The following RYR2 variants were observed in gnomAD, a reference collection of about 807,000 sequenced individuals.
RYR2 encodes cardiac muscle ryanodine receptor-calcium release channel.
In RYR2, 227 loss-of-function variants were observed where a neutral mutation model predicts 601.1. The ratio of observed to expected loss-of-function variants is 0.38; its 90% confidence interval spans 0.34 to 0.42. The LOEUF (loss-of-function observed/expected upper bound fraction) is 0.42. RYR2 is among the 10% of genes least tolerant of loss of function. The pLI is 1.00. For missense variants in RYR2, 4,646 were observed against 6,156.5 expected, an observed-to-expected ratio of 0.75 and a Z score of 8.21; for synonymous variants, 2,223 against 2,175.1, an observed-to-expected ratio of 1.02 and a Z score of -0.61.
intron 12 of RYR2, among the ~76,000 whole-genome samples, chr1:237,428,376 A>G (rs1025685442): frequency 2.8e-4 from 43 of 152,224 alleles, no homozygotes; most frequent in Non-Finnish European, 3.2e-4. Flanking sequence ...TAGACCAGAT[A>G]AAGAAAATGT....
At chr1:237,058,680 C>G (rs955750951) in intron 1 of RYR2, among the ~76,000 whole-genome samples, 1 of 151,692 alleles carries the variant, frequency 6.6e-6, no homozygotes, top group African/African-American at 2.4e-5. Flanking sequence ...ACTTTTGGAG[C>G]CAGGGCGGGC....
chr1:237,097,361 G>A (rs560969578), intron 1 of RYR2, among the ~76,000 whole-genome samples: 2 of 152,308 alleles, frequency 1.3e-5, no homozygotes, highest in Admixed American at 1.3e-4. Context: ...CTCCTGTTTG[G>A]TTGCTCATTC....
chr1:237,189,732 A>C lies in RYR2; in HGVS notation c.49-80765A>C, dbSNP rs537185476. Among the ~76,000 whole-genome samples, 96 of 152,226 alleles carry C rather than the reference A, an allele frequency of 6.3e-4. 1 individual carries two copies. Among genetic ancestry groups the C allele is most frequent in the Non-Finnish European group, 1.2e-3 (84 of 68,048 alleles). ...AGTGAGGTCTCTAATTGTGAAAAAT[A>C]AATGTGTGTTGTGTGTAAGCCGCCC... On this transcript the variant is annotated intron_variant, in intron 1 of 104. Coordinates refer to ENST00000366574, the MANE Select transcript of RYR2 (RefSeq NM_001035.3).
At position 237,792,388 on chromosome 1, in the gene RYR2, T is replaced by C. The variant is rs1185384761; in HGVS notation, c.13782+65T>C. The C allele has an allele frequency of 4.4e-3, 3,580 of 816,920 alleles. 36 individuals are homozygous for C. The highest frequency in any genetic ancestry group is 0.032 in the Admixed American group (1,230 of 38,002). 50.6% of individuals were successfully genotyped at this position (816,920 alleles called of 1,614,324 possible). On this transcript the variant is annotated intron_variant, in intron 94 of 104. Coordinates refer to ENST00000366574, the MANE Select transcript of RYR2 (RefSeq NM_001035.3). ...GTGTGTGTGTGTGTGTGTGCGTGTG[T>C]GTGTGTGTGCGTGTGTGTGTGTGTG...
intron 2 of RYR2, among the ~76,000 whole-genome samples, chr1:237,301,900 C>T (rs180834352): frequency 1.3e-5 from 2 of 152,098 alleles, no homozygotes; most frequent in Non-Finnish European, 2.9e-5. Context: ...AGTTAAAGTG[C>T]GTGTGATAAA....
intron 29 of RYR2, among the ~76,000 whole-genome samples, chr1:237,581,730 C>T (rs185943345): frequency 7.9e-5 from 12 of 152,280 alleles, no homozygotes; most frequent in African/African-American, 2.9e-4. Context: ...CTGGCTTTAC[C>T]ATAACAGCTG....
chr1:237,664,173 G>A (rs538947701), intron 56 of RYR2, among the ~76,000 whole-genome samples: 20 of 152,226 alleles, frequency 1.3e-4, no homozygotes, highest in East Asian at 3.9e-4. Flanking sequence ...CTTATAACCC[G>A]GAAGGGGAAT....
intron 2 of RYR2, among the ~76,000 whole-genome samples, chr1:237,320,917 CTG>C (rs758838364): frequency 1.3e-5 from 2 of 150,450 alleles, no homozygotes; most frequent in Admixed American, 6.6e-5. Context: ...TCCATTCTCT[CTG>C]TGTGTGTGTG....
chr1:237,136,622 T>C (rs995574688), intron 1 of RYR2, among the ~76,000 whole-genome samples: 2 of 152,100 alleles, frequency 1.3e-5, no homozygotes, highest in East Asian at 1.9e-4. Context: ...AAGGGGAATA[T>C]TGGCAAGAGG....
intron 57 of RYR2, among the ~76,000 whole-genome samples, chr1:237,667,253 G>A (rs982802548): frequency 1.3e-5 from 2 of 152,194 alleles, no homozygotes; most frequent in African/African-American, 2.4e-5. Flanking sequence ...GTTGGTAACT[G>A]TATTGTTCCA....
intron 3 of RYR2, among the ~76,000 whole-genome samples, chr1:237,350,602 A>ATGT (rs1233607301): frequency 8.1e-5 from 3 of 37,008 alleles, no homozygotes; most frequent in African/African-American, 3.1e-4. Flanking sequence ...AAAAAAAAAA[A>ATGT]ATATATATAT....
chr1:237,581,622 G>C (rs991802755), intron 29 of RYR2, among the ~76,000 whole-genome samples: 2 of 152,170 alleles, frequency 1.3e-5, no homozygotes, highest in African/African-American at 2.4e-5. Context: ...GCAGCAGTTA[G>C]ATTATTTGAT....
intron 1 of RYR2, among the ~76,000 whole-genome samples, chr1:237,112,033 G>A (rs948460169): frequency 2.6e-5 from 4 of 152,178 alleles, no homozygotes; most frequent in Non-Finnish European, 4.4e-5. Context: ...GTAGTTGGAG[G>A]ATTAAATGAG....
intron 46 of RYR2, among the ~76,000 whole-genome samples, chr1:237,640,587 T>C (rs1011306221): frequency 3.3e-5 from 5 of 152,170 alleles, no homozygotes; most frequent in African/African-American, 9.7e-5. Context: ...GTTATTTTCT[T>C]TGTTAATGCA....
chr1:237,098,387 ATG>A (rs937631817), intron 1 of RYR2, among the ~76,000 whole-genome samples: 1,267 of 47,292 alleles, frequency 0.027, 8 homozygotes, highest in African/African-American at 0.04. Flanking sequence ...CATTGTGTGT[ATG>A]TGTGTGTGTG....
At chr1:237,355,904 A>G in intron 3 of RYR2, 61 bp from the exon 4 acceptor site, 1 of 1,414,840 alleles carries the variant, frequency 7.1e-7, no homozygotes, top group Non-Finnish European at 9.8e-7. Flanking sequence ...AAATGACAGT[A>G]ATTGAAACAT....
chr1:237,488,615 A>C (rs961639689), intron 17 of RYR2, among the ~76,000 whole-genome samples: 2 of 152,286 alleles, frequency 1.3e-5, no homozygotes, highest in African/African-American at 2.4e-5. Context: ...AAAGGAAGTG[A>C]AAATAGCCTT....
At chr1:237,652,738 C>T (rs1021762696) in intron 51 of RYR2, among the ~76,000 whole-genome samples, 8 of 152,020 alleles carry the variant, frequency 5.3e-5, no homozygotes, top group Admixed American at 1.3e-4. Flanking sequence ...CTGGAAAATT[C>T]GTGAAAAAAG....
intron 56 of RYR2, 23 bp from the exon 57 acceptor site, chr1:237,666,489 G>GT: frequency 6.2e-7 from 1 of 1,602,386 alleles, no homozygotes; most frequent in Non-Finnish European, 8.5e-7. Flanking sequence ...ATGAGGCACT[G>GT]TTTTTTCACA....
Sources: allele counts gnomAD v4.1 joint callset (sites outside exome capture counted in the v4.1 genomes callset), GRCh38; gene constraint gnomAD v4.1.1; transcripts MANE v1.5; gene names NCBI Gene and HGNC (gene_info 2026-07-23, HGNC 2026-07-21).